Variants in AP5M1 observed in about 807,000 individuals in gnomAD.
AP5M1 encodes AP-5 complex subunit mu-1.
Under a neutral mutation model 52.3 loss-of-function variants are expected in AP5M1, and 44 were observed. The observed-to-expected ratio is 0.84, with a 90% CI of 0.66 to 1.08. AP5M1 has a LOEUF of 1.08. Among genes scored for constraint, AP5M1 ranks in the 50% least tolerant of loss-of-function variants. The pLI is 0.00. For synonymous variants in AP5M1, 213 were observed against 199.0 expected (o/e 1.07, Z -0.59); for missense variants, 526 against 568.4 (o/e 0.93, Z 0.76).
chr14:57,298,654 G>C lies in AP5M1; in HGVS notation c.*9770G>C, dbSNP rs902964536. 4 of 152,048 alleles carry C rather than the reference G, an allele frequency of 2.6e-5. No homozygotes were observed. Among genetic ancestry groups the C allele is most frequent in the Non-Finnish European group, 5.9e-5 (4 of 67,994 alleles). 9.4% of individuals were successfully genotyped at this position (152,048 alleles called of 1,614,324 possible). ...TTATATGAATTGTCCATGTGCCCTT[G>C]GTTTTGAATGTTCAATTCTGTATTG... On this transcript the variant is annotated 3_prime_UTR_variant, in exon 8 of 8. Coordinates refer to ENST00000261558, the MANE Select transcript of AP5M1 (RefSeq NM_018229.4).
rs754853892 is a variant in AP5M1, at chr14:57,274,325, T to G, written c.156T>G (p.Leu52=). 4 of 1,614,196 alleles carry G rather than the reference T, an allele frequency of 2.5e-6. No individual in the cohort carries two copies. The East Asian group carries it at 6.7e-5, about 27-fold the overall frequency. ...CTGTTCCTGAAGATGGTCCCTTTCT[T>G]AAAGCACTGCTCTTTGAACTTAGAT... ...YVPVPEDGPF[L]KALLFELRLL... Residue 52 remains leucine (L), a synonymous_variant, in exon 2 of 8, where the codon CTT becomes CTG. Transcript: ENST00000261558.
chr14:57,285,918 C>T (rs537421531), intron 6 of AP5M1, among the ~76,000 whole-genome samples: 1 of 152,134 alleles, frequency 6.6e-6, no homozygotes, highest in South Asian at 2.1e-4. Flanking sequence ...CATCTTTGCA[C>T]GTCAGTTCAC....
intron 6 of AP5M1, among the ~76,000 whole-genome samples, chr14:57,284,387 A>G (rs1232002858): frequency 6.6e-6 from 1 of 152,160 alleles, no homozygotes; most frequent in Non-Finnish European, 1.5e-5. Context: ...TGTACTTTTT[A>G]AAGTAGGGGA....
At chr14:57,271,045 T>C (rs955579790) in intron 1 of AP5M1, 1 of 152,222 alleles carries the variant, frequency 6.6e-6, no homozygotes, top group Non-Finnish European at 1.5e-5. Flanking sequence ...AGGAACTCAA[T>C]TGTTAATTTT....
intron 1 of AP5M1, among the ~76,000 whole-genome samples, chr14:57,271,764 T>C (rs1215986889): frequency 2.0e-5 from 3 of 152,256 alleles, no homozygotes; most frequent in African/African-American, 7.2e-5. Flanking sequence ...CTACATTGTC[T>C]TCTCTTTATA....
Position 57,293,736 on chromosome 14 carries a change from A to G in AP5M1, c.*4852A>G, listed in dbSNP as rs112506274. 358 of 151,782 alleles carry G rather than the reference A, an allele frequency of 2.4e-3. 2 individuals carry two copies. The highest frequency in any genetic ancestry group is 8.2e-3 in the African/African-American group (342 of 41,514). 9.4% of individuals were successfully genotyped at this position (151,782 alleles called of 1,614,324 possible). A position where few individuals can be genotyped will look rare whatever the true frequency, so the allele number is the denominator to read the frequency against. Reference sequence around the variant, plus strand: ...ATATATATATATATACACACAACATATATATACAAGTATATGAATTTACGT... The same window carrying G: ...ATATATATATATATACACACAACATGTATATACAAGTATATGAATTTACGT... On this transcript the variant is annotated 3_prime_UTR_variant, in exon 8 of 8. Transcript: ENST00000261558.
intron 7 of AP5M1, among the ~76,000 whole-genome samples, chr14:57,286,953 ATGGT>A (rs1178661268): frequency 6.6e-6 from 1 of 151,642 alleles, no homozygotes; most frequent in Non-Finnish European, 1.5e-5. Flanking sequence ...AGTATGTTTA[ATGGT>A]TGGTAAAGTA....
intron 1 of AP5M1, among the ~76,000 whole-genome samples, chr14:57,271,956 C>A (rs1338760591): frequency 6.6e-6 from 1 of 152,156 alleles, no homozygotes; most frequent in Admixed American, 6.5e-5. Flanking sequence ...GTTATGTCCC[C>A]TCATATAAAT....
chr14:57,298,619 A>G lies in AP5M1; in HGVS notation c.*9735A>G, dbSNP rs917472581. The G allele has an allele frequency of 1.3e-5, 2 of 152,124 alleles. No individual in the cohort carries two copies. Among genetic ancestry groups the G allele is most frequent in the South Asian group, 4.1e-4 (2 of 4,832 alleles). The allele number at this position is 152,124 out of a possible 1,614,324, so 9.4% of individuals were successfully genotyped here. The stretch of plus-strand genomic sequence containing the variant: ...TATAATTATGTGACTGTGCCTTCAG[A>G]TTATCAAAATTATATGAATTGTCCA... On this transcript the variant is annotated 3_prime_UTR_variant, in exon 8 of 8. Transcript: ENST00000261558.
intron 4 of AP5M1, 55 bp downstream of exon 4, chr14:57,282,283 T>C: frequency 6.1e-6 from 8 of 1,307,124 alleles, no homozygotes; most frequent in Non-Finnish European, 8.2e-6. Context: ...ACATTTCCAC[T>C]GTCCCACAGT....
intron 2 of AP5M1, chr14:57,275,094 T>G (rs1163847056): frequency 2.3e-5 from 14 of 604,242 alleles, no homozygotes; most frequent in Non-Finnish European, 4.0e-5. Context: ...AAGAATTGTC[T>G]CATTGTCCCC....
intron 1 of AP5M1, among the ~76,000 whole-genome samples, chr14:57,269,764 T>G (rs2139681679): frequency 6.6e-6 from 1 of 152,348 alleles, no homozygotes. Context: ...CATTTTAACT[T>G]ATTCTACTGA....
rs753324122 is a variant in AP5M1 at position 57,274,426 on chromosome 14, T to G, written c.257T>G (p.Leu86Arg). The G allele has an allele frequency of 1.2e-6, 2 of 1,614,186 alleles. No individual in the cohort carries two copies. The highest frequency in any genetic ancestry group is 1.6e-4 in the Middle Eastern group (1 of 6,062). ...SRINKTSIYGLLIGGEELWPV... is the reference protein window; with the variant it reads ...SRINKTSIYGRLIGGEELWPV... ...ATCAATAAAACATCCATTTATGGAC[T>G]CCTGATAGGAGGTGAAGAACTCTGG... Residue 86 changes from leucine (L) to arginine (R), a missense_variant, in exon 2 of 8, where the codon CTC becomes CGC. By Grantham distance (102) the Leu-to-Arg change is moderately radical. This residue lies in a region of AP5M1 where 425 missense variants were observed against 430.6 expected (regional missense o/e 0.99). Coordinates refer to ENST00000261558, the MANE Select transcript of AP5M1 (RefSeq NM_018229.4).
Position 57,274,737 on chromosome 14 carries a change from A to G in AP5M1, c.568A>G (p.Thr190Ala), listed in dbSNP as rs745903901. ...SLDNTNFASV[T>A]QPQKQPAWKT... ...AGATAATACCAATTTTGCATCTGTGACTCAGCCACAGAAACAGCCAGCTTG... is the reference window on the plus strand; with the variant it reads ...AGATAATACCAATTTTGCATCTGTGGCTCAGCCACAGAAACAGCCAGCTTG... The change falls in exon 2 of 8, where the codon ACT (threonine) becomes GCT (alanine). Residue 190 changes from threonine (T) to alanine (A), a missense_variant. Transcript: ENST00000261558. 1 of 1,614,180 alleles carries G rather than the reference A, an allele frequency of 6.2e-7. No homozygotes were observed. Among genetic ancestry groups the G allele is most frequent in the Non-Finnish European group, 8.5e-7 (1 of 1,180,030 alleles).
chr14:57,275,810 TAAC>T (rs1299917487), intron 2 of AP5M1, among the ~76,000 whole-genome samples: 1 of 152,142 alleles, frequency 6.6e-6, no homozygotes, highest in Non-Finnish European at 1.5e-5. Flanking sequence ...ACAACGTAAA[TAAC>T]AATACAGTTA....
chr14:57,275,703 C>T (rs1462537963), intron 2 of AP5M1, among the ~76,000 whole-genome samples: 1 of 152,158 alleles, frequency 6.6e-6, no homozygotes, highest in Non-Finnish European at 1.5e-5. Context: ...ATGAAATTGA[C>T]ATCTCTGACA....
Position 57,274,504 on chromosome 14 carries a change from T to C in AP5M1, c.335T>C (p.Val112Ala). 6.2e-7 allele frequency: 1 copy of C among 1,614,208 alleles called. No homozygotes were observed. Among genetic ancestry groups the C allele is most frequent in the Non-Finnish European group, 8.5e-7 (1 of 1,180,032 alleles). Residue 112 changes from valine to alanine, a missense_variant, in exon 2 of 8, where the codon GTT becomes GCT. Around this residue, in one of 3 missense-constraint regions of AP5M1, gnomAD observed 425 missense variants for 430.6 expected, o/e 0.99. Transcript: ENST00000261558. Reference sequence around the variant, plus strand: ...ATGATATATGCTTGTGTTCCACTAGTTGAACAAACTCTGTCCCCTCGTCCG... The same window carrying C: ...ATGATATATGCTTGTGTTCCACTAGCTGAACAAACTCTGTCCCCTCGTCCG... ...NDMIYACVPL[V>A]EQTLSPRPPL...
intron 2 of AP5M1, among the ~76,000 whole-genome samples, chr14:57,279,877 A>G (rs1205925620): frequency 6.6e-6 from 1 of 152,190 alleles, no homozygotes; most frequent in East Asian, 1.9e-4. Context: ...AAGTCCAGAA[A>G]TATTTAGAAG....
rs1167075078 is a variant in AP5M1, at chr14:57,291,139, A to C, written c.*2255A>C. 6.6e-6 allele frequency: 1 copy of C among 151,942 alleles called. No individual in the cohort carries two copies. Among genetic ancestry groups the C allele is most frequent in the Non-Finnish European group, 1.5e-5 (1 of 67,898 alleles). The allele number at this position is 151,942 out of a possible 1,614,324, so 9.4% of individuals were successfully genotyped here. ...GTTAAAACTTCAATCATTTTCTAAA[A>C]AATTATCTCACTATGGATTTTATTC... On this transcript the variant is annotated 3_prime_UTR_variant, in exon 8 of 8. Transcript: ENST00000261558.
Sources: gnomAD v4.1 joint callset for allele counts (sites outside exome capture counted in the v4.1 genomes callset) on GRCh38, gnomAD v4.1.1 for gene constraint, gnomAD v4.1.1 regional missense constraint, MANE v1.5 for transcripts, NCBI Gene and HGNC (gene_info 2026-07-23, HGNC 2026-07-21) for gene names.